The following DEAF1 variants were observed in gnomAD, a reference collection of about 807,000 sequenced individuals.
DEAF1 encodes the protein DEAF1 transcription factor, also known as deformed epidermal autoregulatory factor 1 homolog.
A neutral mutation model predicts 58.9 loss-of-function variants in DEAF1; 53 were observed. The ratio of observed to expected loss-of-function variants is 0.90; its 90% CI spans 0.72 to 1.13. DEAF1 has a LOEUF of 1.13. Among genes scored for constraint, DEAF1 ranks in the 50% most tolerant of loss-of-function variants. DEAF1 has a pLI of 0.00. For synonymous variants in DEAF1, 385 were observed against 340.4 expected, an observed-to-expected ratio of 1.13 and a Z score of -1.44; for missense variants, 685 against 791.4, an observed-to-expected ratio of 0.87 and a Z score of 1.61.
chr11:653,917 G>A (rs1246767291), intron 11 of DEAF1, 45 bp downstream of exon 11: 25 of 1,572,400 alleles, frequency 1.6e-5, no homozygotes, highest in Admixed American at 1.5e-4. Flanking sequence ...TCTTCGTAGC[G>A]AGGGAGGAGG....
Position 687,157 on chromosome 11 carries a change from G to A in DEAF1, c.665-160C>T, listed in dbSNP as rs74417572. Among the ~76,000 whole-genome samples, 195 of 152,314 alleles carry A rather than the reference G, an allele frequency of 1.3e-3. 3 individuals carry two copies. The East Asian group carries it at 0.035, about 28-fold the overall frequency. On this transcript the variant is annotated intron_variant, in intron 4 of 11. Coordinates refer to ENST00000382409, the MANE Select transcript of DEAF1 (RefSeq NM_021008.4). ...TACTTGGCCCTGACAGGTCCACCAC[G>A]GGTCTGCCTTTGCAGCCTGTGCCTC... is the stretch of plus-strand genomic sequence containing the variant.
chr11:703,015 C>T (rs1861567908), intron 1 of DEAF1: 3 of 1,612,542 alleles, frequency 1.9e-6, no homozygotes, highest in Non-Finnish European at 2.5e-6. Context: ...CTGGCACCGC[C>T]CTCCTCTCTG....
Position 704,113 on chromosome 11 carries a change from G to A in DEAF1, c.-438+2459C>T, listed in dbSNP as rs932721277. ...CACCGCATTTTGTAAATAAAGAGAT[G>A]TGTATGCCTCCCTGAATTCTCCTAA... On this transcript the variant is annotated intron_variant, in intron 1 of 11. Coordinates refer to the DEAF1 transcript ENST00000683307. 2.5e-5 allele frequency: 28 copies of A among 1,124,356 alleles called. No individual in the cohort carries two copies. In the African/African-American group the frequency reaches 3.2e-4, roughly 13 times the overall value. The allele number at this position is 1,124,356 out of a possible 1,614,324, so 69.6% of individuals were successfully genotyped here.
intron 10 of DEAF1, among the ~76,000 whole-genome samples, chr11:661,330 C>G (rs1488608835): frequency 2.6e-5 from 4 of 152,104 alleles, no homozygotes; most frequent in African/African-American, 7.2e-5. Flanking sequence ...TACATACACA[C>G]GAATGCAGAT....
At chr11:689,275 G>A (rs140099526) in intron 2 of DEAF1, among the ~76,000 whole-genome samples, 1,985 of 144,746 alleles carry the variant, frequency 0.014, 45 homozygotes, top group African/African-American at 0.047. Context: ...GCGCCATCTC[G>A]GCTCACTGCA....
chr11:670,771 G>GTT (rs199899292), intron 10 of DEAF1, among the ~76,000 whole-genome samples: 885 of 45,076 alleles, frequency 0.02, 24 homozygotes, highest in African/African-American at 0.057. Flanking sequence ...TTTTCTTTTT[G>GTT]TTTTTGTTTT....
At chr11:689,342 A>AC (rs1860735662) in intron 2 of DEAF1, among the ~76,000 whole-genome samples, 1 of 150,468 alleles carries the variant, frequency 6.6e-6, no homozygotes, top group Non-Finnish European at 1.5e-5. Context: ...AGTAGCTGGG[A>AC]CTACACACGC....
intron 10 of DEAF1, chr11:654,503 C>T: frequency 2.2e-6 from 1 of 455,340 alleles, no homozygotes; most frequent in South Asian, 1.5e-5. Flanking sequence ...CCCAGTGCTG[C>T]TCAGAACGTT....
At chr11:664,169 C>T (rs532255844) in intron 10 of DEAF1, among the ~76,000 whole-genome samples, 67 of 151,636 alleles carry the variant, frequency 4.4e-4, no homozygotes, top group African/African-American at 1.5e-3. Flanking sequence ...GCCGAGATCA[C>T]GCCATTGCAC....
chr11:704,988 G>A (rs1280951203), intron 1 of DEAF1: 6 of 271,570 alleles, frequency 2.2e-5, no homozygotes, highest in Non-Finnish European at 2.2e-5. Flanking sequence ...GCAGGATCAC[G>A]GCAGGTTCCT....
At chr11:700,444 T>G (rs1219589243) in intron 1 of DEAF1, among the ~76,000 whole-genome samples, 1 of 151,860 alleles carries the variant, frequency 6.6e-6, no homozygotes, top group Non-Finnish European at 1.5e-5. Context: ...GGAGGATTGC[T>G]TGAACCCGGG....
chr11:680,466 T>C (rs935819941), intron 7 of DEAF1, among the ~76,000 whole-genome samples: 7 of 152,262 alleles, frequency 4.6e-5, no homozygotes, highest in African/African-American at 1.7e-4. Flanking sequence ...AAACATTAGC[T>C]GGGCATGGTG....
At chr11:658,527 G>A (rs558837337) in intron 10 of DEAF1, among the ~76,000 whole-genome samples, 6 of 152,384 alleles carry the variant, frequency 3.9e-5, no homozygotes, top group African/African-American at 9.6e-5. Context: ...CAAGGACATC[G>A]ACAAGTCCCA....
In DEAF1 at chr11:670,931, G is replaced by GTTTTTTTTTTTTTTT. The variant is rs558436376; in HGVS notation, c.1503+3590_1503+3604dup. On this transcript the variant is annotated intron_variant, in intron 10 of 11. Transcript: ENST00000382409. The stretch of plus-strand genomic sequence containing the variant: ...TGGCATGTCACCACACCTGGCTAAT[G>GTTTTTTTTTTTTTTT]TTTTTTTTTTTTTTTGAGACAGAGT... 3.3e-5 allele frequency among the ~76,000 whole-genome samples: 3 copies of GTTTTTTTTTTTTTTT among 91,388 alleles called. 1 individual carries two copies. The highest frequency in any genetic ancestry group is 1.0e-4 in the African/African-American group (2 of 19,502). 60.0% of individuals were successfully genotyped at this position (91,388 alleles called of 152,430 possible).
At chr11:673,564 G>A (rs1859925367) in intron 10 of DEAF1, among the ~76,000 whole-genome samples, 1 of 152,106 alleles carries the variant, frequency 6.6e-6, no homozygotes. Context: ...GAAAAGAAAT[G>A]GGGGAAAACG....
At chr11:700,468 A>G (rs1861399108) in intron 1 of DEAF1, 1 of 776,760 alleles carries the variant, frequency 1.3e-6, no homozygotes, top group South Asian at 1.6e-5. Context: ...TGGAGGTTCC[A>G]GTGAGCCAAG....
intron 1 of DEAF1, 60 bp from the exon 2 acceptor site, chr11:691,658 G>T: frequency 6.7e-7 from 1 of 1,492,418 alleles, no homozygotes. Flanking sequence ...AAAGCGAACA[G>T]CCTCGCTCAG....
chr11:645,853 C>G (rs576608355), intron 11 of DEAF1, among the ~76,000 whole-genome samples: 6 of 152,252 alleles, frequency 3.9e-5, no homozygotes, highest in African/African-American at 1.4e-4. Flanking sequence ...GCTCCGTGCA[C>G]GGGGGCGTGA....
At chr11:670,929 A>ATGTTTTT (rs1554940495) in intron 10 of DEAF1, among the ~76,000 whole-genome samples, 2 of 32,424 alleles carry the variant, frequency 6.2e-5, no homozygotes, top group African/African-American at 4.0e-4. Flanking sequence ...CACCTGGCTA[A>ATGTTTTT]TGTTTTTTTT....
Sources: gnomAD v4.1 joint callset for allele counts (sites outside exome capture counted in the v4.1 genomes callset) on GRCh38, gnomAD v4.1.1 for gene constraint, MANE v1.5 for transcripts, NCBI Gene and HGNC (gene_info 2026-07-23, HGNC 2026-07-21) for gene names.